Variants in WSCD1 observed in about 807,000 individuals in gnomAD.
WSCD1 encodes the protein sialate:O-sulfotransferase 1.
A neutral mutation model predicts 60.4 loss-of-function variants in WSCD1; 41 were observed. That is an observed-to-expected ratio of 0.68 (90% CI 0.53 to 0.88). The LOEUF (loss-of-function observed/expected upper bound fraction) is 0.88, where lower values mean the gene tolerates loss of function less well. Ranked by LOEUF, WSCD1 falls within the 40% of genes least tolerant of loss-of-function variation. The probability of loss-of-function intolerance (pLI) is 0.00; values close to 1 mark genes in which losing one functional copy is unlikely to be tolerated. For missense variants in WSCD1, 784 were observed against 796.2 expected, an observed-to-expected ratio of 0.98 and a Z score of 0.18; for synonymous variants, 361 against 332.5, an observed-to-expected ratio of 1.09 and a Z score of -0.93.
At chr17:6,107,307 A>C (rs1911141512) in intron 5 of WSCD1, among the ~76,000 whole-genome samples, 2 of 151,992 alleles carry the variant, frequency 1.3e-5, no homozygotes, top group South Asian at 2.1e-4. Flanking sequence ...TCAAGACCAG[A>C]CTGGCCAACG....
chr17:6,080,987 G>A lies in WSCD1; in HGVS notation c.329G>A (p.Arg110His), dbSNP rs764425661. 4.0e-5 allele frequency: 62 copies of A among 1,547,362 alleles called. No homozygotes were observed. In the Admixed American group the frequency reaches 8.8e-4, roughly 22 times the overall value. The change falls in exon 2 of 9, where the codon CGT becomes CAT. Residue 110 changes from arginine to histidine, a missense_variant. Arg to His is a conservative substitution (Grantham distance 29). Transcript: ENST00000317744. The surrounding 1 kb of genome is among the most constrained non-coding windows in gnomAD (Gnocchi z 6.6). ...RWLRSRNSEL[R>H]QLRRRWFHHF... Reference sequence around the variant, plus strand: ...CTCCGGAGCCGCAACTCGGAGCTGCGTCAGTTGCGTCGCCGCTGGTTCCAC... The same window carrying A: ...CTCCGGAGCCGCAACTCGGAGCTGCATCAGTTGCGTCGCCGCTGGTTCCAC...
At chr17:6,086,635 TG>T (rs1412698188) in intron 2 of WSCD1, among the ~76,000 whole-genome samples, 3 of 152,152 alleles carry the variant, frequency 2.0e-5, no homozygotes, top group Non-Finnish European at 4.4e-5. Flanking sequence ...ATTATAGGTG[TG>T]AGCCACAGCA....
intron 5 of WSCD1, among the ~76,000 whole-genome samples, chr17:6,097,522 C>T (rs1910519843): frequency 3.3e-5 from 5 of 152,250 alleles, no homozygotes; most frequent in African/African-American, 4.8e-5. Flanking sequence ...CAGCCTGTCT[C>T]GGAGATTGTC....
intron 2 of WSCD1, among the ~76,000 whole-genome samples, chr17:6,085,796 A>G (rs1454045388): frequency 1.3e-5 from 2 of 152,210 alleles, no homozygotes; most frequent in Admixed American, 1.3e-4. Context: ...CTCAAATATT[A>G]GTTTTCTTTT....
At chr17:6,069,428 T>TGAGA (rs71154637), upstream of WSCD1, 7 of 231,904 alleles carry the variant, frequency 3.0e-5, no homozygotes, top group African/African-American at 2.7e-4. Flanking sequence ...TGTGTGTGTG[T>TGAGA]GAGAGAGAGA....
intron 2 of WSCD1, 60 bp downstream of exon 2, chr17:6,081,145 G>A: frequency 6.8e-7 from 1 of 1,476,298 alleles, no homozygotes; most frequent in African/African-American, 1.4e-5. Flanking sequence ...AGGGTCACAG[G>A]TTTGGTGTCC....
intron 5 of WSCD1, among the ~76,000 whole-genome samples, chr17:6,104,791 G>C (rs1001389958): frequency 6.6e-6 from 1 of 152,210 alleles, no homozygotes; most frequent in Non-Finnish European, 1.5e-5. Flanking sequence ...TAGGAGTTGA[G>C]CTGTGTTGAT....
At chr17:6,078,928 C>T (rs1909045365) in intron 1 of WSCD1, among the ~76,000 whole-genome samples, 1 of 152,114 alleles carries the variant, frequency 6.6e-6, no homozygotes, top group African/African-American at 2.4e-5. Context: ...GCAGACATAT[C>T]AGCCTAGAAA....
At chr17:6,109,872 T>G in intron 6 of WSCD1, 106 bp downstream of exon 6, 2 of 1,450,656 alleles carry the variant, frequency 1.4e-6, no homozygotes, top group Non-Finnish European at 1.9e-6. Flanking sequence ...TTATGAGGTA[T>G]GGCATGTGTC....
intron 1 of WSCD1, among the ~76,000 whole-genome samples, chr17:6,071,847 C>T (rs981888075): frequency 6.6e-6 from 1 of 152,194 alleles, no homozygotes; most frequent in Non-Finnish European, 1.5e-5. Context: ...CTCAATCATG[C>T]CCCCACCCCC....
At chr17:6,105,958 C>A (rs1279773811) in intron 5 of WSCD1, among the ~76,000 whole-genome samples, 1 of 152,184 alleles carries the variant, frequency 6.6e-6, no homozygotes, top group Non-Finnish European at 1.5e-5. Flanking sequence ...GCAGAAAAAT[C>A]AGACTCAAGT....
Position 6,070,487 on chromosome 17 carries a change from G to T in WSCD1, c.-454G>T. Reference sequence around the variant, plus strand: ...CAGCAGCCCCGGGGAGCCAGGCGGCGGCGCCCTGTGCCCGGGCGCGTGGGT... The same window carrying T: ...CAGCAGCCCCGGGGAGCCAGGCGGCTGCGCCCTGTGCCCGGGCGCGTGGGT... On this transcript the variant is annotated 5_prime_UTR_variant, in exon 1 of 9. Coordinates refer to ENST00000317744, the MANE Select transcript of WSCD1 (RefSeq NM_015253.2). 6.8e-6 allele frequency: 1 copy of T among 147,194 alleles called. No individual in the cohort carries two copies. The highest frequency in any genetic ancestry group is 1.9e-4 in the South Asian group (1 of 5,156). The allele number at this position is 147,194 out of a possible 1,614,324, so 9.1% of individuals were successfully genotyped here. A position where few individuals can be genotyped will look rare whatever the true frequency, so the allele number is the denominator to read the frequency against.
intron 2 of WSCD1, among the ~76,000 whole-genome samples, chr17:6,085,917 A>G (rs1909606800): frequency 6.6e-6 from 1 of 152,070 alleles, no homozygotes; most frequent in Non-Finnish European, 1.5e-5. Flanking sequence ...AAGTAGAGAG[A>G]TGCACGTGGG....
In WSCD1 at chr17:6,122,762, T is replaced by C. The variant is rs750066419; in HGVS notation, c.*2101T>C. 1 of 152,250 alleles carries C rather than the reference T, an allele frequency of 6.6e-6. No individual in the cohort carries two copies. Among genetic ancestry groups the C allele is most frequent in the Non-Finnish European group, 1.5e-5 (1 of 68,114 alleles). 9.4% of individuals were successfully genotyped at this position (152,250 alleles called of 1,614,324 possible). A position where few individuals can be genotyped will look rare whatever the true frequency, so the allele number is the denominator to read the frequency against. On this transcript the variant is annotated 3_prime_UTR_variant, in exon 9 of 9. Transcript: ENST00000317744. Reference sequence around the variant, plus strand: ...GATTGGTACATTCACTGCTGCCAGGTACCCAGAGATGTCATCTCTCTCCAG... The same window carrying C: ...GATTGGTACATTCACTGCTGCCAGGCACCCAGAGATGTCATCTCTCTCCAG...
chr17:6,110,715 G>A lies in WSCD1; in HGVS notation c.1010-56G>A. 1 of 1,551,784 alleles carries A rather than the reference G, an allele frequency of 6.4e-7. No homozygotes were observed. Among genetic ancestry groups the A allele is most frequent in the Non-Finnish European group, 8.8e-7 (1 of 1,141,208 alleles). ...AGTTCCTCTAAGGGAGTTTAGTGGT[G>A]AATTGGTGAGTCATAATGGAAGTGA... On this transcript the variant is annotated intron_variant, in intron 6 of 8. Coordinates refer to ENST00000317744, the MANE Select transcript of WSCD1 (RefSeq NM_015253.2). The surrounding 1 kb of genome is among the most constrained non-coding windows in gnomAD (Gnocchi z 4.8).
In WSCD1 at chr17:6,102,503, CT is replaced by C. The variant is rs1203387837; in HGVS notation, c.850-7103del. Reference sequence around the variant, plus strand: ...GGTAAACCTGTTGATACTGTACTCTCTGCATATTTTGAAAAACACGTATTGT... The same window carrying C: ...GGTAAACCTGTTGATACTGTACTCTCGCATATTTTGAAAAACACGTATTGT... On this transcript the variant is annotated intron_variant, in intron 5 of 8. Transcript: ENST00000317744. Among the ~76,000 whole-genome samples, 4 of 152,222 alleles carry C rather than the reference CT, an allele frequency of 2.6e-5. No individual in the cohort carries two copies. In the East Asian group the frequency reaches 7.7e-4, roughly 29 times the overall value.
At chr17:6,077,821 TCTTCC>T in intron 1 of WSCD1, 1 of 152,372 alleles carries the variant, frequency 6.6e-6, no homozygotes, top group African/African-American at 2.4e-5. Context: ...AGTGCTACCC[TCTTCC>T]CTTCAGTTAT....
At chr17:6,095,296 G>A (rs1046451058) in intron 5 of WSCD1, 73 bp downstream of exon 5, 12 of 1,505,088 alleles carry the variant, frequency 8.0e-6, no homozygotes, top group Admixed American at 2.2e-5. Flanking sequence ...GGGGGCACAT[G>A]TGCTGGGCTG....
At chr17:6,104,330 A>T (rs1910968622) in intron 5 of WSCD1, among the ~76,000 whole-genome samples, 1 of 152,136 alleles carries the variant, frequency 6.6e-6, no homozygotes, top group South Asian at 2.1e-4. Context: ...TGAGATTTGG[A>T]GGGGACACAC....
Sources: allele counts gnomAD v4.1 joint callset (sites outside exome capture counted in the v4.1 genomes callset), GRCh38; gene constraint gnomAD v4.1.1; non-coding constraint Gnocchi (gnomAD v3.1); transcripts MANE v1.5; gene names NCBI Gene and HGNC (gene_info 2026-07-23, HGNC 2026-07-21).